The following KAT6A variants were observed in gnomAD, a reference collection of about 807,000 sequenced individuals.
The protein encoded by KAT6A is histone acetyltransferase KAT6A.
Under a neutral mutation model 198.4 loss-of-function variants are expected in KAT6A, and 9 were observed. The ratio of observed to expected loss-of-function variants is 0.05; its 90% CI spans 0.03 to 0.08. The LOEUF (loss-of-function observed/expected upper bound fraction) is 0.08, where lower values mean the gene tolerates loss of function less well. Among genes scored for constraint, KAT6A ranks in the 10% least tolerant of loss-of-function variants. The probability of loss-of-function intolerance (pLI) is 1.00; values close to 1 mark genes in which losing one functional copy is unlikely to be tolerated. For missense variants in KAT6A, 2,077 were observed against 2,509.9 expected (o/e 0.83, Z 3.69); for synonymous variants, 890 against 883.0 (o/e 1.01, Z -0.14).
rs1304498561 is a variant in KAT6A at position 41,933,307 on chromosome 8, C to G, written c.4913G>C (p.Cys1638Ser). The G allele has an allele frequency of 6.3e-7, 1 of 1,578,444 alleles. No homozygotes were observed. The highest frequency in any genetic ancestry group is 1.7e-5 in the Admixed American group (1 of 58,772). Residue 1638 changes from cysteine (C) to serine (S), a missense_variant, in exon 17 of 17, where the codon TGC becomes TCC. Transcript: ENST00000265713. This position sits in a 1 kb window ranked among gnomAD's most constrained non-coding sequence, Gnocchi z 6.2. Reference protein sequence around the residue: ...ANCSIKSPQSCVVERPPSNQQ... With the variant: ...ANCSIKSPQSSVVERPPSNQQ... ...GTTACTGGGAGGCCTCTCCACCACG[C>G]AGCTCTGAGGTGACTTGATGCTGCA...
intron 1 of KAT6A, among the ~76,000 whole-genome samples, chr8:42,050,081 A>G (rs1802528085): frequency 6.6e-6 from 1 of 152,240 alleles, no homozygotes; most frequent in Non-Finnish European, 1.5e-5. Context: ...CAGGAAAACT[A>G]GAAATGAGGA....
chr8:42,010,557 T>C (rs1825975495), intron 2 of KAT6A, among the ~76,000 whole-genome samples: 1 of 152,046 alleles, frequency 6.6e-6, no homozygotes, highest in African/African-American at 2.4e-5. Context: ...CGTAGGCAAG[T>C]CTCTTCACGA....
chr8:42,041,960 A>T (rs1004893863), intron 2 of KAT6A, among the ~76,000 whole-genome samples: 2 of 152,208 alleles, frequency 1.3e-5, no homozygotes, highest in East Asian at 3.8e-4. Flanking sequence ...TGAATTTAAT[A>T]GCATGGACAA....
intron 2 of KAT6A, among the ~76,000 whole-genome samples, chr8:42,040,384 G>A (rs1827596757): frequency 6.6e-6 from 1 of 152,118 alleles, no homozygotes; most frequent in Admixed American, 6.5e-5. Context: ...TTGGAAGGTA[G>A]ACCAAGAAAG....
chr8:41,995,060 A>C lies in KAT6A; in HGVS notation c.601-7497T>G, dbSNP rs186352926. Among the ~76,000 whole-genome samples, 17 of 148,110 alleles carry C rather than the reference A, an allele frequency of 1.1e-4. No individual in the cohort carries two copies. In the East Asian group the frequency reaches 3.3e-3, roughly 29 times the overall value. ...AACAAGAGCGAGACTCCATCTCAAA[A>C]AAAAAATAAAAATAAAAATAAAAAC... On this transcript the variant is annotated intron_variant, in intron 2 of 16. Coordinates refer to ENST00000265713, the MANE Select transcript of KAT6A (RefSeq NM_006766.5).
chr8:41,934,395 CTCT>C lies in KAT6A; in HGVS notation c.3822_3824del (p.Glu1275del). ...TCTGCTCCTCTGAGACACGGGGCTT[CTCT>C]TCTTCCTCCTCCACCTCAGGCTCCT... On this transcript the variant is annotated inframe_deletion, in exon 17 of 17. Transcript: ENST00000265713. 6.2e-7 allele frequency: 1 copy of C among 1,613,416 alleles called. No individual in the cohort carries two copies. Among genetic ancestry groups the C allele is most frequent in the Middle Eastern group, 1.7e-4 (1 of 6,060 alleles).
At position 41,929,563 on chromosome 8, in the gene KAT6A, G is replaced by A. The variant is rs1292472228; in HGVS notation, c.*2642C>T. 5.3e-6 allele frequency: 1 copy of A among 188,198 alleles called. No homozygotes were observed. Among genetic ancestry groups the A allele is most frequent in the Non-Finnish European group, 1.1e-5 (1 of 89,422 alleles). 11.7% of individuals were successfully genotyped at this position (188,198 alleles called of 1,614,324 possible). On this transcript the variant is annotated 3_prime_UTR_variant, in exon 17 of 17. Coordinates refer to ENST00000265713, the MANE Select transcript of KAT6A (RefSeq NM_006766.5). The stretch of plus-strand genomic sequence containing the variant: ...GTACTTGCTAGAAAGGGGAAAAAAA[G>A]GTATTACATACAAGGAGAGGAAGGG...
intron 2 of KAT6A, among the ~76,000 whole-genome samples, chr8:42,039,166 C>G (rs1402662321): frequency 6.6e-6 from 1 of 152,204 alleles, no homozygotes; most frequent in Non-Finnish European, 1.5e-5. Context: ...GGTGAAGTTA[C>G]TCCTGGTCTA....
At chr8:42,039,218 G>A (rs1349359615) in intron 2 of KAT6A, among the ~76,000 whole-genome samples, 1 of 151,998 alleles carries the variant, frequency 6.6e-6, no homozygotes, top group East Asian at 1.9e-4. Flanking sequence ...CTCCACCCCT[G>A]AGTAGCCAAG....
intron 6 of KAT6A, 130 bp downstream of exon 6, chr8:41,978,512 A>G: frequency 3.4e-6 from 3 of 879,648 alleles, no homozygotes; most frequent in Non-Finnish European, 5.3e-6. Context: ...AATAAGTGTT[A>G]GCCATTATTA....
intron 2 of KAT6A, among the ~76,000 whole-genome samples, chr8:42,023,345 A>C (rs747585222): frequency 1.3e-5 from 2 of 152,188 alleles, no homozygotes; most frequent in African/African-American, 4.8e-5. Context: ...TAAATTTGGA[A>C]AAAAATTTCT....
At chr8:42,012,737 T>C (rs1826082320) in intron 2 of KAT6A, among the ~76,000 whole-genome samples, 1 of 152,246 alleles carries the variant, frequency 6.6e-6, no homozygotes, top group African/African-American at 2.4e-5. Flanking sequence ...ACTACTGTAC[T>C]ATATTCACAC....
chr8:41,937,213 C>A (rs745654792), intron 16 of KAT6A, 43 bp downstream of exon 16: 31 of 1,493,708 alleles, frequency 2.1e-5, no homozygotes, highest in Non-Finnish European at 2.8e-5. Context: ...TGCTATATAT[C>A]TGAAGACAAT....
At chr8:41,944,345 A>G (rs1203818295) in intron 12 of KAT6A, among the ~76,000 whole-genome samples, 36 of 152,216 alleles carry the variant, frequency 2.4e-4, no homozygotes, top group Admixed American at 2.4e-3. Context: ...ATCTGAACTG[A>G]GAAGTACAAA....
In KAT6A at chr8:42,048,618, G is replaced by C. The variant is rs1802441697; in HGVS notation, c.360C>G (p.Ser120Arg). Residue 120 changes from serine (S) to arginine (R), a missense_variant, in exon 2 of 17, where the codon AGC (serine) becomes AGG (arginine). By Grantham distance (110) the Ser-to-Arg change is moderately radical (BLOSUM62 -1). Around this residue, in one of 13 missense-constraint regions of KAT6A, gnomAD observed 185 missense variants for 185.7 expected, o/e 1.00. Coordinates refer to ENST00000265713, the MANE Select transcript of KAT6A (RefSeq NM_006766.5). The stretch of plus-strand genomic sequence containing the variant: ...TCTGACCTTTCAAAAAACGTTCAAT[G>C]CTTTTCAAAGTTGAGCCACCAGACT... ...LAESGGSTLK[S>R]IERFLKGQKD... 2 of 1,614,142 alleles carry C rather than the reference G, an allele frequency of 1.2e-6. No individual in the cohort carries two copies. Among genetic ancestry groups the C allele is most frequent in the Middle Eastern group, 3.3e-4 (2 of 6,062 alleles).
intron 2 of KAT6A, among the ~76,000 whole-genome samples, chr8:42,009,874 G>A (rs1275137772): frequency 8.9e-6 from 1 of 112,972 alleles, no homozygotes; most frequent in African/African-American, 3.6e-5. Context: ...ACAGCCTGGC[G>A]ACAGGACAAA....
At chr8:41,959,369 G>T (rs1823082845) in intron 8 of KAT6A, among the ~76,000 whole-genome samples, 1 of 152,128 alleles carries the variant, frequency 6.6e-6, no homozygotes, top group South Asian at 2.1e-4. Flanking sequence ...TGTTGGTGAA[G>T]ATGTGGAAAA....
chr8:41,943,592 CAAATA>C (rs1328638270), intron 13 of KAT6A, among the ~76,000 whole-genome samples, 151 bp downstream of exon 13: 1 of 151,950 alleles, frequency 6.6e-6, no homozygotes, highest in Non-Finnish European at 1.5e-5. Context: ...TATAGTCAAT[CAAATA>C]AAATATCCTA....
At chr8:41,943,244 G>C (rs774038747) in intron 13 of KAT6A, among the ~76,000 whole-genome samples, 24 of 152,118 alleles carry the variant, frequency 1.6e-4, no homozygotes, top group Non-Finnish European at 3.2e-4. Flanking sequence ...CACACGTCCC[G>C]CTCCAGAAGT....
Sources: allele counts gnomAD v4.1 joint callset (sites outside exome capture counted in the v4.1 genomes callset), GRCh38; gene constraint gnomAD v4.1.1; regional missense constraint gnomAD v4.1.1; non-coding constraint Gnocchi (gnomAD v3.1); transcripts MANE v1.5; gene names NCBI Gene and HGNC (gene_info 2026-07-23, HGNC 2026-07-21).